Variants in PPP2R2A observed in about 807,000 individuals in gnomAD.
PPP2R2A encodes serine/threonine-protein phosphatase 2A 55 kDa regulatory subunit B alpha isoform.
A neutral mutation model predicts 53.2 loss-of-function variants in PPP2R2A; 9 were observed. That is an observed-to-expected ratio of 0.17 (90% confidence interval 0.10 to 0.30). PPP2R2A has a LOEUF of 0.30. Among genes scored for constraint, PPP2R2A ranks in the 10% least tolerant of loss-of-function variants. The pLI is 1.00. For synonymous variants in PPP2R2A, 169 were observed against 174.2 expected, an observed-to-expected ratio of 0.97 and a Z score of 0.23; for missense variants, 235 against 534.6, an observed-to-expected ratio of 0.44 and a Z score of 5.53.
chr8:26,355,453 A>T (rs543500028), intron 4 of PPP2R2A, among the ~76,000 whole-genome samples: 1 of 152,264 alleles, frequency 6.6e-6, no homozygotes, highest in Non-Finnish European at 1.5e-5. Context: ...TATGTTGCTC[A>T]GGCTGGTCTT....
chr8:26,301,489 C>T (rs576417084), intron 2 of PPP2R2A, among the ~76,000 whole-genome samples: 3 of 152,010 alleles, frequency 2.0e-5, no homozygotes, highest in Admixed American at 6.6e-5. Context: ...CAGGCCACCA[C>T]GCCCGGCTAG....
At chr8:26,332,148 G>GT (rs1256822384) in intron 2 of PPP2R2A, among the ~76,000 whole-genome samples, 49 of 152,008 alleles carry the variant, frequency 3.2e-4, no homozygotes, top group African/African-American at 1.2e-3. Context: ...TTGGCCAGGA[G>GT]TTCAAGAGCA....
intron 2 of PPP2R2A, among the ~76,000 whole-genome samples, chr8:26,312,153 T>C (rs1802320435): frequency 6.6e-6 from 1 of 152,206 alleles, no homozygotes; most frequent in South Asian, 2.1e-4. Flanking sequence ...TCTCCAGAAG[T>C]CTGAAGAGAA....
At chr8:26,304,600 G>GT (rs374137194) in intron 2 of PPP2R2A, among the ~76,000 whole-genome samples, 1 of 152,120 alleles carries the variant, frequency 6.6e-6, no homozygotes, top group Non-Finnish European at 1.5e-5. Context: ...CTGCGTGTCT[G>GT]TTTTTTCCTG....
At position 26,302,864 on chromosome 8, in the gene PPP2R2A, G is replaced by T. The variant is rs183165134; in HGVS notation, c.82+9124G>T. Among the ~76,000 whole-genome samples the T allele has an allele frequency of 2.3e-3, 355 of 152,294 alleles. 1 individual carries two copies. The highest frequency in any genetic ancestry group is 4.1e-3 in the Admixed American group (62 of 15,290). On this transcript the variant is annotated intron_variant, in intron 2 of 9. Coordinates refer to ENST00000380737, the MANE Select transcript of PPP2R2A (RefSeq NM_002717.4). ...CATTTTTCATAACATTTTTGTTAAT[G>T]TGTGAGGTTTATTACTATTTTACAA...
intron 2 of PPP2R2A, among the ~76,000 whole-genome samples, chr8:26,308,598 T>C (rs1165728416): frequency 6.6e-6 from 1 of 152,238 alleles, no homozygotes; most frequent in Non-Finnish European, 1.5e-5. Context: ...GCTCCACTTC[T>C]AATTCTAGTT....
In PPP2R2A at chr8:26,360,781, A is replaced by G; in HGVS notation, c.460-193A>G. Reference sequence around the variant, plus strand: ...AGTATTGCAACCAGTAAAAGAAGATATATTATCCACATTGTTCATTTTTTC... The same window carrying G: ...AGTATTGCAACCAGTAAAAGAAGATGTATTATCCACATTGTTCATTTTTTC... On this transcript the variant is annotated intron_variant, in intron 5 of 9. Coordinates refer to ENST00000380737, the MANE Select transcript of PPP2R2A (RefSeq NM_002717.4). This position sits in a 1 kb window ranked among gnomAD's most constrained non-coding sequence, Gnocchi z 4.5. The G allele has an allele frequency of 3.8e-6, 2 of 530,654 alleles. No individual in the cohort carries two copies. Among genetic ancestry groups the G allele is most frequent in the South Asian group, 6.2e-5 (2 of 32,184 alleles). The allele number at this position is 530,654 out of a possible 1,614,324, so 32.9% of individuals were successfully genotyped here. A position where few individuals can be genotyped will look rare whatever the true frequency, so the allele number is the denominator to read the frequency against.
At chr8:26,326,361 G>A (rs1033884774) in intron 2 of PPP2R2A, among the ~76,000 whole-genome samples, 4 of 152,068 alleles carry the variant, frequency 2.6e-5, no homozygotes, top group Non-Finnish European at 5.9e-5. Context: ...TTCCCAAGTG[G>A]ACTTCTTTTT....
chr8:26,327,801 T>C (rs554075816), intron 2 of PPP2R2A, among the ~76,000 whole-genome samples: 1 of 152,324 alleles, frequency 6.6e-6, no homozygotes, highest in South Asian at 2.1e-4. Context: ...GAGGGGCCAA[T>C]TGTAAAGTTC....
chr8:26,321,594 T>A lies in PPP2R2A; in HGVS notation c.83-17296T>A, dbSNP rs1360003521. On this transcript the variant is annotated intron_variant, in intron 2 of 9. Transcript: ENST00000380737. The surrounding 1 kb of genome is among the most constrained non-coding windows in gnomAD (Gnocchi z 4.1). The stretch of plus-strand genomic sequence containing the variant: ...TGAGGGAAGCCAGCTACCATGTTTG[T>A]GTGGTTCCCTGTGGAGCTCACATGT... Among the ~76,000 whole-genome samples the A allele has an allele frequency of 6.6e-6, 1 of 152,218 alleles. No homozygotes were observed. Among genetic ancestry groups the A allele is most frequent in the African/African-American group, 2.4e-5 (1 of 41,462 alleles).
chr8:26,310,205 C>T (rs1182456135), intron 2 of PPP2R2A, among the ~76,000 whole-genome samples: 4 of 140,376 alleles, frequency 2.8e-5, no homozygotes, highest in African/African-American at 5.4e-5. Context: ...CATTTGAACC[C>T]GGGAGGCGGA....
Position 26,363,823 on chromosome 8 carries a change from C to G in PPP2R2A, c.905C>G (p.Thr302Ser). The G allele has an allele frequency of 1.2e-6, 2 of 1,606,288 alleles. No homozygotes were observed. Among genetic ancestry groups the G allele is most frequent in the Non-Finnish European group, 1.7e-6 (2 of 1,174,416 alleles). ...KFSHSGRYMMTRDYLSVKIWD... is the reference protein window; with the variant it reads ...KFSHSGRYMMSRDYLSVKIWD... ...AGCCATAGTGGTCGATATATGATGA[C>G]TAGAGACTATTTGTCAGTCAAAATT... Residue 302 changes from threonine to serine, a missense_variant, in exon 8 of 10, where the codon ACT becomes AGT. By Grantham distance (58) the Thr-to-Ser change is moderately conservative. Coordinates refer to ENST00000380737, the MANE Select transcript of PPP2R2A (RefSeq NM_002717.4).
chr8:26,324,195 T>C (rs1032421277), intron 2 of PPP2R2A, among the ~76,000 whole-genome samples: 2 of 152,244 alleles, frequency 1.3e-5, no homozygotes, highest in African/African-American at 4.8e-5. Context: ...GGTTTCTGCC[T>C]AAGTCACCAC....
At chr8:26,294,418 G>A (rs976203336) in intron 2 of PPP2R2A, among the ~76,000 whole-genome samples, 3 of 152,126 alleles carry the variant, frequency 2.0e-5, no homozygotes, top group Non-Finnish European at 2.9e-5. Flanking sequence ...ATTTTCTAAC[G>A]TGTTTCAGAA....
In PPP2R2A at chr8:26,362,760, C is replaced by T. The variant is rs1805176065; in HGVS notation, c.714C>T (p.Ser238=). ...CAGCAGCAGAATTTCATCCAAACAG[C>T]TGTAACACATTTGTATACAGCAGCA... ...VITAAEFHPN[S]CNTFVYSSSK... Residue 238 remains serine, a synonymous_variant, in exon 7 of 10, where the codon AGC becomes AGT. Transcript: ENST00000380737. This position sits in a 1 kb window ranked among gnomAD's most constrained non-coding sequence, Gnocchi z 4.4. 2 of 1,614,028 alleles carry T rather than the reference C, an allele frequency of 1.2e-6. No homozygotes were observed. The highest frequency in any genetic ancestry group is 1.7e-5 in the Admixed American group (1 of 60,026).
chr8:26,329,275 A>G (rs1027701027), intron 2 of PPP2R2A, among the ~76,000 whole-genome samples: 2 of 152,040 alleles, frequency 1.3e-5, no homozygotes, highest in African/African-American at 4.8e-5. Context: ...AGAAATATAT[A>G]CTTTTAATTT....
At chr8:26,365,093 T>A (rs1805299531) in intron 8 of PPP2R2A, 1 of 152,226 alleles carries the variant, frequency 6.6e-6, no homozygotes, top group Non-Finnish European at 1.5e-5. Context: ...AGTGAGAAAC[T>A]CTATAATGTG....
chr8:26,363,924 C>T (rs759284256), intron 8 of PPP2R2A, 34 bp downstream of exon 8: 1 of 1,516,812 alleles, frequency 6.6e-7, no homozygotes. Flanking sequence ...GAGCATATAC[C>T]CTGTTTACTT....
chr8:26,300,592 A>G lies in PPP2R2A; in HGVS notation c.82+6852A>G, dbSNP rs566245033. 5.3e-5 allele frequency among the ~76,000 whole-genome samples: 8 copies of G among 152,346 alleles called. No homozygotes were observed. The East Asian group carries it at 1.2e-3, about 22-fold the overall frequency. On this transcript the variant is annotated intron_variant, in intron 2 of 9. Transcript: ENST00000380737. ...AAAAGCTGGCGGGGCGCGGTGGCTC[A>G]CGCCTGTAATCCCAGCACTTTGGGA...
Sources: allele counts gnomAD v4.1 joint callset (sites outside exome capture counted in the v4.1 genomes callset), GRCh38; gene constraint gnomAD v4.1.1; non-coding constraint Gnocchi (gnomAD v3.1); transcripts MANE v1.5; gene names NCBI Gene and HGNC (gene_info 2026-07-23, HGNC 2026-07-21).